The following CREB5 variants were observed in gnomAD, a reference collection of about 807,000 sequenced individuals.
The protein encoded by CREB5 is cAMP responsive element binding protein 5.
Under a neutral mutation model 57.1 loss-of-function variants are expected in CREB5, and 19 were observed. That is an observed-to-expected ratio of 0.33 (90% CI 0.23 to 0.49). The LOEUF is 0.49. Ranked by LOEUF, CREB5 falls within the 20% of genes least tolerant of loss-of-function variation. CREB5 has a pLI of 0.99. For missense variants in CREB5, 579 were observed against 671.6 expected (o/e 0.86, Z 1.52); for synonymous variants, 238 against 238.3 (o/e 1.00, Z 0.01).
upstream of CREB5, among the ~76,000 whole-genome samples, chr7:28,408,664 C>T (rs554216648): frequency 2.0e-5 from 3 of 152,322 alleles, no homozygotes; most frequent in African/African-American, 7.2e-5. Context: ...ACTCTCCCTA[C>T]AGCTTCTCAG....
At chr7:28,779,981 C>T (rs1806876883) in intron 7 of CREB5, among the ~76,000 whole-genome samples, 1 of 152,264 alleles carries the variant, frequency 6.6e-6, no homozygotes, top group Non-Finnish European at 1.5e-5. Context: ...TTCTCCCAGG[C>T]TGGTCTCAAA....
chr7:28,409,562 G>C (rs764019370), upstream of CREB5: 1 of 172,346 alleles, frequency 5.8e-6, no homozygotes, highest in Admixed American at 6.4e-5. The surrounding 1 kb of genome is among the most constrained non-coding windows in gnomAD (Gnocchi z 4.4). Context: ...GAGGTTACTT[G>C]GTCCAGTGGG....
chr7:28,634,839 A>T (rs1235698797), intron 5 of CREB5, among the ~76,000 whole-genome samples: 1 of 152,056 alleles, frequency 6.6e-6, no homozygotes, highest in African/African-American at 2.4e-5. Flanking sequence ...ATGTATTTTT[A>T]TGTTTTATAC....
chr7:28,343,381 T>C (rs1409856963), intron 1 of CREB5, among the ~76,000 whole-genome samples: 1 of 152,180 alleles, frequency 6.6e-6, no homozygotes, highest in African/African-American at 2.4e-5. Flanking sequence ...GGTAACCACT[T>C]TTCTGTTCTC....
intron 2 of CREB5, chr7:28,491,271 T>C (rs1023757763): frequency 1.0e-6 from 1 of 985,052 alleles, no homozygotes; most frequent in Non-Finnish European, 1.2e-6. Flanking sequence ...GGGGTGAGCA[T>C]GCTGGTTTAC....
At chr7:28,623,188 T>C (rs1797869317) in intron 5 of CREB5, among the ~76,000 whole-genome samples, 1 of 152,198 alleles carries the variant, frequency 6.6e-6, no homozygotes, top group African/African-American at 2.4e-5. Context: ...TGTCCCCATC[T>C]ACTTCTTTAT....
intron 7 of CREB5, among the ~76,000 whole-genome samples, chr7:28,762,118 G>T (rs982599088): frequency 6.6e-6 from 1 of 152,074 alleles, no homozygotes; most frequent in Non-Finnish European, 1.5e-5. Context: ...TTCATGCAGC[G>T]TTACAATGGC....
At chr7:28,444,260 TG>T (rs1250369533) in intron 1 of CREB5, among the ~76,000 whole-genome samples, 2 of 152,122 alleles carry the variant, frequency 1.3e-5, no homozygotes, top group Non-Finnish European at 2.9e-5. Context: ...ACTATGAATT[TG>T]GAATCTGGGG....
At chr7:28,651,186 T>C (rs952200335) in intron 5 of CREB5, among the ~76,000 whole-genome samples, 1 of 152,180 alleles carries the variant, frequency 6.6e-6, no homozygotes, top group Non-Finnish European at 1.5e-5. Context: ...CTTTAGCATA[T>C]GCCAGGCAAT....
intron 5 of CREB5, among the ~76,000 whole-genome samples, chr7:28,641,817 C>T (rs1798670033): frequency 6.6e-6 from 1 of 152,230 alleles, no homozygotes; most frequent in Non-Finnish European, 1.5e-5. Flanking sequence ...TTACCTTCTG[C>T]TCCTCTGACC....
chr7:28,316,311 G>A (rs1172325604), intron 1 of CREB5, among the ~76,000 whole-genome samples: 6 of 152,192 alleles, frequency 3.9e-5, no homozygotes, highest in Non-Finnish European at 5.9e-5. Flanking sequence ...GACAAACATT[G>A]GAGTCATTGG....
At chr7:28,810,867 A>G (rs991930438) in intron 9 of CREB5, among the ~76,000 whole-genome samples, 3 of 152,164 alleles carry the variant, frequency 2.0e-5, no homozygotes, top group Non-Finnish European at 4.4e-5. Context: ...CAGTGTACAA[A>G]TTGAAAGTAT....
chr7:28,617,725 C>G (rs549541966), intron 5 of CREB5, among the ~76,000 whole-genome samples: 1 of 152,262 alleles, frequency 6.6e-6, no homozygotes, highest in Admixed American at 6.5e-5. Context: ...TATGAAACAA[C>G]CTTAAAGAAT....
chr7:28,335,848 T>C (rs548185190), intron 1 of CREB5, among the ~76,000 whole-genome samples: 1 of 152,242 alleles, frequency 6.6e-6, no homozygotes, highest in South Asian at 2.1e-4. Context: ...CTGTTGTATA[T>C]GGCTTTTATT....
At chr7:28,601,411 T>C (rs1485447667) in intron 5 of CREB5, among the ~76,000 whole-genome samples, 2 of 152,186 alleles carry the variant, frequency 1.3e-5, no homozygotes, top group African/African-American at 4.8e-5. Context: ...GTTAAGGGCA[T>C]GAGCTCTAGA....
chr7:28,734,108 T>C (rs1171375709), intron 7 of CREB5, among the ~76,000 whole-genome samples: 5 of 150,252 alleles, frequency 3.3e-5, no homozygotes, highest in Non-Finnish European at 7.4e-5. Context: ...TCTTGACCCC[T>C]GGTGTGGCAC....
chr7:28,384,340 G>C (rs960494057), intron 1 of CREB5, among the ~76,000 whole-genome samples: 7 of 152,142 alleles, frequency 4.6e-5, no homozygotes, highest in Non-Finnish European at 8.8e-5. Context: ...CAGTATGACA[G>C]CTTTACAACT....
At chr7:28,656,101 T>G (rs947834162) in intron 5 of CREB5, among the ~76,000 whole-genome samples, 1 of 152,224 alleles carries the variant, frequency 6.6e-6, no homozygotes, top group African/African-American at 2.4e-5. Flanking sequence ...TTTAGGTACT[T>G]GTCTAAAATT....
chr7:28,631,597 T>C (rs1798207523), intron 5 of CREB5, among the ~76,000 whole-genome samples: 1 of 152,144 alleles, frequency 6.6e-6, no homozygotes, highest in African/African-American at 2.4e-5. Flanking sequence ...TCTGTTCCTC[T>C]ATCACCCAGG....
Sources: allele counts gnomAD v4.1 joint callset (sites outside exome capture counted in the v4.1 genomes callset), GRCh38; gene constraint gnomAD v4.1.1; non-coding constraint Gnocchi (gnomAD v3.1); transcripts MANE v1.5; gene names NCBI Gene and HGNC (gene_info 2026-07-23, HGNC 2026-07-21).